ATF6: variants seen among roughly 807,000 people sequenced by gnomAD.
ATF6 encodes activating transcription factor 6.
Under a neutral mutation model 83.6 loss-of-function variants are expected in ATF6, and 53 were observed. The ratio of observed to expected loss-of-function variants is 0.63; its 90% CI spans 0.51 to 0.80. The LOEUF (loss-of-function observed/expected upper bound fraction) is 0.80, where lower values mean the gene tolerates loss of function less well. ATF6 is among the 30% of genes least tolerant of loss of function. The pLI is 0.00. For missense variants in ATF6, 744 were observed against 797.9 expected, an observed-to-expected ratio of 0.93 and a Z score of 0.81; for synonymous variants, 288 against 285.8, an observed-to-expected ratio of 1.01 and a Z score of -0.08.
rs370153853 is a variant in ATF6 at position 161,871,218 on chromosome 1, C to T, written c.1719+7906C>T. 1.5e-4 allele frequency among the ~76,000 whole-genome samples: 23 copies of T among 151,682 alleles called. 1 individual carries two copies. The South Asian group carries it at 4.8e-3, about 31-fold the overall frequency. ...TCTCAATGAATGTTTAAAATTACTTCGGTGACTTGGATAGCAATGAAATTT... is the reference window on the plus strand; with the variant it reads ...TCTCAATGAATGTTTAAAATTACTTTGGTGACTTGGATAGCAATGAAATTT... On this transcript the variant is annotated intron_variant, in intron 14 of 15. Transcript: ENST00000367942.
At chr1:161,885,375 C>G (rs1053655135) in intron 14 of ATF6, among the ~76,000 whole-genome samples, 1 of 152,136 alleles carries the variant, frequency 6.6e-6, no homozygotes, top group Admixed American at 6.6e-5. Flanking sequence ...AACTACTGTT[C>G]TACAGATGAA....
At chr1:161,845,206 A>G (rs905748154) in intron 9 of ATF6, among the ~76,000 whole-genome samples, 2 of 152,176 alleles carry the variant, frequency 1.3e-5, no homozygotes, top group African/African-American at 4.8e-5. Flanking sequence ...TGATTTCCCC[A>G]AATTTGGAGA....
At chr1:161,859,747 C>G (rs934131437) in intron 12 of ATF6, among the ~76,000 whole-genome samples, 21 of 152,112 alleles carry the variant, frequency 1.4e-4, no homozygotes, top group African/African-American at 5.1e-4. Flanking sequence ...AATAAGAACT[C>G]TTTAATGATG....
intron 14 of ATF6, among the ~76,000 whole-genome samples, chr1:161,894,702 A>ATTTTTTTTTT (rs59848309): frequency 2.0e-4 from 22 of 109,142 alleles, no homozygotes; most frequent in African/African-American, 5.7e-4. Flanking sequence ...AGCCGGGCTA[A>ATTTTTTTTTT]TTTTTTTTTT....
intron 14 of ATF6, among the ~76,000 whole-genome samples, chr1:161,865,409 C>T (rs1199471763): frequency 6.6e-6 from 1 of 152,138 alleles, no homozygotes; most frequent in Admixed American, 6.5e-5. Context: ...CCACCCGCCT[C>T]GGCCTCCCAG....
chr1:161,935,746 A>C (rs1688522728), intron 15 of ATF6, among the ~76,000 whole-genome samples: 1 of 152,242 alleles, frequency 6.6e-6, no homozygotes, highest in Non-Finnish European at 1.5e-5. Context: ...GTAGGAAAGA[A>C]TGATTTAATA....
At position 161,959,634 on chromosome 1, in the gene ATF6, C is replaced by T. The variant is rs1689050102; in HGVS notation, c.*980C>T. ...GCAGTGAGCCGAGATCCCGCCACTG[C>T]ACTCCAGCCTGGGCGACAGAGCGAG... is the stretch of plus-strand genomic sequence containing the variant. On this transcript the variant is annotated 3_prime_UTR_variant, in exon 16 of 16. Coordinates refer to ENST00000367942, the MANE Select transcript of ATF6 (RefSeq NM_007348.4). 1.4e-5 allele frequency: 2 copies of T among 144,180 alleles called. No homozygotes were observed. Among genetic ancestry groups the T allele is most frequent in the East Asian group, 2.0e-4 (1 of 4,898 alleles). The allele number at this position is 144,180 out of a possible 1,614,324, so 8.9% of individuals were successfully genotyped here. A position where few individuals can be genotyped will look rare whatever the true frequency, so the allele number is the denominator to read the frequency against.
intron 14 of ATF6, among the ~76,000 whole-genome samples, chr1:161,863,751 G>A (rs1251065787): frequency 6.6e-6 from 1 of 152,142 alleles, no homozygotes; most frequent in Non-Finnish European, 1.5e-5. Flanking sequence ...GGAATGTTTG[G>A]ATCTATGTTC....
intron 10 of ATF6, among the ~76,000 whole-genome samples, chr1:161,847,155 A>G (rs928654838): frequency 8.5e-5 from 13 of 152,154 alleles, no homozygotes; most frequent in African/African-American, 3.1e-4. Context: ...TATAGTGGAC[A>G]TTTTTATAGT....
At chr1:161,896,630 A>G (rs1475719678) in intron 14 of ATF6, among the ~76,000 whole-genome samples, 1 of 152,190 alleles carries the variant, frequency 6.6e-6, no homozygotes, top group African/African-American at 2.4e-5. Context: ...AATCGAACCT[A>G]TTATCAGTAA....
At chr1:161,820,597 A>G (rs569473089) in intron 8 of ATF6, among the ~76,000 whole-genome samples, 3 of 152,128 alleles carry the variant, frequency 2.0e-5, no homozygotes, top group South Asian at 4.2e-4. Flanking sequence ...CTAAAAATAC[A>G]AAAGTTAGCT....
intron 14 of ATF6, among the ~76,000 whole-genome samples, chr1:161,878,927 A>G (rs1228714425): frequency 6.6e-6 from 1 of 152,132 alleles, no homozygotes; most frequent in Admixed American, 6.6e-5. Flanking sequence ...AAATAGAGAA[A>G]AGGTAGGGTT....
chr1:161,814,320 G>A (rs979124336), intron 7 of ATF6, among the ~76,000 whole-genome samples: 55 of 152,310 alleles, frequency 3.6e-4, no homozygotes, highest in African/African-American at 1.3e-3. Flanking sequence ...TGTGCCCATG[G>A]TGTGGCTTTG....
chr1:161,890,058 C>T (rs1398177841), intron 14 of ATF6, among the ~76,000 whole-genome samples: 1 of 152,164 alleles, frequency 6.6e-6, no homozygotes, highest in Non-Finnish European at 1.5e-5. Context: ...TCTCTGAGAA[C>T]AGGTTAAATA....
intron 6 of ATF6, among the ~76,000 whole-genome samples, chr1:161,795,547 C>A (rs1302245398): frequency 6.6e-6 from 1 of 152,122 alleles, no homozygotes; most frequent in African/African-American, 2.4e-5. Context: ...ATGTTTGATA[C>A]ATAGTTTAAA....
intron 15 of ATF6, among the ~76,000 whole-genome samples, chr1:161,934,601 G>A (rs1688502826): frequency 1.3e-5 from 2 of 152,036 alleles, no homozygotes; most frequent in Non-Finnish European, 2.9e-5. Flanking sequence ...TTACCATTTG[G>A]GTGTTTCTGC....
rs778802014 is a variant in ATF6 at position 161,961,191 on chromosome 1, G to A, written c.*2537G>A. 2.0e-5 allele frequency: 3 copies of A among 152,292 alleles called. No individual in the cohort carries two copies. The highest frequency in any genetic ancestry group is 4.4e-5 in the Non-Finnish European group (3 of 68,084). The allele number at this position is 152,292 out of a possible 1,614,324, so 9.4% of individuals were successfully genotyped here. ...TAGTCCCTCTCTTCCAGGTGAAAAG[G>A]TGGGTAGCGGTTGGGAGGGAGTCTC... On this transcript the variant is annotated 3_prime_UTR_variant, in exon 16 of 16. Coordinates refer to ENST00000367942, the MANE Select transcript of ATF6 (RefSeq NM_007348.4).
At chr1:161,949,642 G>A (rs1688822621) in intron 15 of ATF6, among the ~76,000 whole-genome samples, 1 of 152,212 alleles carries the variant, frequency 6.6e-6, no homozygotes, top group Non-Finnish European at 1.5e-5. Flanking sequence ...ACAGCAGAAG[G>A]TGAAGGGGAG....
chr1:161,820,525 G>A (rs946543801), intron 8 of ATF6, among the ~76,000 whole-genome samples: 3 of 152,204 alleles, frequency 2.0e-5, no homozygotes, highest in Non-Finnish European at 2.9e-5. Flanking sequence ...CGCTGAGGCA[G>A]GCGGATCACA....
Sources: allele counts gnomAD v4.1 joint callset (sites outside exome capture counted in the v4.1 genomes callset), GRCh38; gene constraint gnomAD v4.1.1; transcripts MANE v1.5; gene names NCBI Gene and HGNC (gene_info 2026-07-23, HGNC 2026-07-21).